The following PTPRD variants were observed in gnomAD, a reference collection of about 807,000 sequenced individuals.
PTPRD encodes the protein protein tyrosine phosphatase receptor type D.
A neutral mutation model predicts 214.5 loss-of-function variants in PTPRD; 34 were observed. The ratio of observed to expected loss-of-function variants is 0.16; its 90% CI spans 0.12 to 0.21. PTPRD has a LOEUF of 0.21. PTPRD is among the 10% of genes least tolerant of loss of function. PTPRD has a pLI of 1.00. For synonymous variants in PTPRD, 1,128 were observed against 845.7 expected (o/e 1.33, Z -5.79); for missense variants, 2,545 against 2,398.7 (o/e 1.06, Z -1.27).
intron 5 of PTPRD, among the ~76,000 whole-genome samples, chr9:9,908,465 A>C (rs10759098): frequency 0.32 from 48,415 of 151,896 alleles, 8,968 homozygotes; most frequent in African/African-American, 0.51. Context: ...TGTAGGACTC[A>C]AAGGAAACAG....
At chr9:9,338,698 C>A (rs971005274) in intron 9 of PTPRD, among the ~76,000 whole-genome samples, 35 of 151,996 alleles carry the variant, frequency 2.3e-4, no homozygotes, top group Admixed American at 2.3e-3. Context: ...TTTCCAATTT[C>A]TTTTCTATTA....
chr9:9,148,174 G>C (rs2099871831), intron 10 of PTPRD, among the ~76,000 whole-genome samples: 1 of 152,082 alleles, frequency 6.6e-6, no homozygotes, highest in African/African-American at 2.4e-5. Context: ...GAAAGTTTTT[G>C]CTAGAGAAAA....
At chr9:9,872,593 A>C (rs2153716843) in intron 5 of PTPRD, among the ~76,000 whole-genome samples, 1 of 152,226 alleles carries the variant, frequency 6.6e-6, no homozygotes, top group African/African-American at 2.4e-5. Flanking sequence ...CTGTGTCAAA[A>C]CAACCACCAC....
intron 8 of PTPRD, among the ~76,000 whole-genome samples, chr9:9,472,655 G>T (rs2094706051): frequency 1.3e-5 from 2 of 152,086 alleles, no homozygotes; most frequent in Non-Finnish European, 2.9e-5. Context: ...TGCTTGCTGT[G>T]ACCAGTTATC....
intron 11 of PTPRD, among the ~76,000 whole-genome samples, chr9:8,800,625 C>A (rs560007761): frequency 6.6e-6 from 1 of 152,322 alleles, no homozygotes; most frequent in East Asian, 1.9e-4. Flanking sequence ...CATGAATAAT[C>A]CACCCCTTGT....
chr9:9,227,433 TTCC>T (rs1458975572), intron 9 of PTPRD, among the ~76,000 whole-genome samples: 1 of 152,142 alleles, frequency 6.6e-6, no homozygotes, highest in Non-Finnish European at 1.5e-5. Flanking sequence ...TGGCCCTGGC[TTCC>T]TCCTACTGTT....
chr9:9,663,626 T>A (rs2096660126), intron 7 of PTPRD, among the ~76,000 whole-genome samples: 1 of 151,616 alleles, frequency 6.6e-6, no homozygotes, highest in African/African-American at 2.4e-5. Flanking sequence ...TTGAGCGTCA[T>A]CACTGACAAC....
chr9:9,195,137 T>C (rs1212436966), intron 9 of PTPRD, among the ~76,000 whole-genome samples: 1 of 148,062 alleles, frequency 6.8e-6, no homozygotes, highest in Non-Finnish European at 1.5e-5. Context: ...TACATACCCA[T>C]ATATACAACT....
intron 14 of PTPRD, among the ~76,000 whole-genome samples, chr9:8,540,269 C>A (rs921603413): frequency 6.6e-6 from 1 of 151,956 alleles, no homozygotes; most frequent in Non-Finnish European, 1.5e-5. Flanking sequence ...CCAATTGTGA[C>A]AAACATTCTT....
intron 9 of PTPRD, among the ~76,000 whole-genome samples, chr9:9,193,377 C>T (rs1233621622): frequency 6.6e-6 from 1 of 152,118 alleles, no homozygotes; most frequent in Admixed American, 6.6e-5. Context: ...ATATAATCTT[C>T]TCCTGTTTTG....
chr9:8,935,765 G>T (rs73425724), intron 11 of PTPRD, among the ~76,000 whole-genome samples: 1 of 152,166 alleles, frequency 6.6e-6, no homozygotes, highest in Non-Finnish European at 1.5e-5. Context: ...GCCTTCCAAA[G>T]AACAGGATAG....
At chr9:10,421,910 C>G (rs989548896) in intron 2 of PTPRD, among the ~76,000 whole-genome samples, 3 of 151,644 alleles carry the variant, frequency 2.0e-5, no homozygotes, top group Non-Finnish European at 4.4e-5. Flanking sequence ...CTGTGGGAAC[C>G]CAGAAAAGTA....
At chr9:10,101,311 C>T (rs2098549794) in intron 3 of PTPRD, among the ~76,000 whole-genome samples, 1 of 151,588 alleles carries the variant, frequency 6.6e-6, no homozygotes, top group South Asian at 2.1e-4. Context: ...AAAATGCCTC[C>T]TCAAGCAGAT....
intron 7 of PTPRD, among the ~76,000 whole-genome samples, chr9:9,651,978 G>T (rs142984117): frequency 6.6e-6 from 1 of 151,410 alleles, no homozygotes; most frequent in Non-Finnish European, 1.5e-5. Context: ...GGGACCACAG[G>T]CGCCTGCCAC....
chr9:8,810,517 A>G (rs1048112867), intron 11 of PTPRD, among the ~76,000 whole-genome samples: 1 of 152,270 alleles, frequency 6.6e-6, no homozygotes, highest in Middle Eastern at 3.4e-3. Flanking sequence ...CCTCATTTTA[A>G]GAATCAGCCA....
intron 11 of PTPRD, among the ~76,000 whole-genome samples, chr9:8,872,975 T>G (rs913359852): frequency 2.6e-5 from 4 of 152,294 alleles, no homozygotes; most frequent in African/African-American, 2.4e-5. Context: ...ACTGAAAATG[T>G]TTACTTGAAG....
rs371719466 is a variant in PTPRD, at chr9:9,728,299, T to G, written c.-287+6234A>C. 4.6e-5 allele frequency among the ~76,000 whole-genome samples: 7 copies of G among 152,308 alleles called. No homozygotes were observed. In the East Asian group the frequency reaches 7.7e-4, roughly 17 times the overall value. On this transcript the variant is annotated intron_variant, in intron 7 of 45. Transcript: ENST00000381196. ...GTCCCATGAATATTTTAGAGGCTAT[T>G]AGTGATTGACACAAAATACTTTATG...
intron 12 of PTPRD, among the ~76,000 whole-genome samples, chr9:8,717,034 G>T (rs2098444247): frequency 6.6e-6 from 1 of 152,136 alleles, no homozygotes; most frequent in Non-Finnish European, 1.5e-5. Flanking sequence ...CAGGCATGGT[G>T]GCATGTGCCT....
intron 2 of PTPRD, among the ~76,000 whole-genome samples, chr9:10,607,972 A>C (rs2079915898): frequency 6.6e-6 from 1 of 151,958 alleles, no homozygotes; most frequent in Non-Finnish European, 1.5e-5. Context: ...GATGGTACTG[A>C]ACAAGGATGG....
Sources: allele counts gnomAD v4.1 joint callset (sites outside exome capture counted in the v4.1 genomes callset), GRCh38; gene constraint gnomAD v4.1.1; transcripts MANE v1.5; gene names NCBI Gene and HGNC (gene_info 2026-07-23, HGNC 2026-07-21).